The following LGR6 variants were observed in gnomAD, a reference collection of about 807,000 sequenced individuals.
LGR6 encodes leucine-rich repeat-containing G protein-coupled receptor 6.
Under a neutral mutation model 69.4 loss-of-function variants are expected in LGR6, and 45 were observed. That is an observed-to-expected ratio of 0.65 (90% CI 0.51 to 0.83). LGR6 has a LOEUF of 0.83. Among genes scored for constraint, LGR6 ranks in the 40% least tolerant of loss-of-function variants. LGR6 has a pLI of 0.00. For synonymous variants in LGR6, 538 were observed against 555.0 expected, an observed-to-expected ratio of 0.97 and a Z score of 0.43; for missense variants, 1,108 against 1,246.7, an observed-to-expected ratio of 0.89 and a Z score of 1.68.
intron 2 of LGR6, among the ~76,000 whole-genome samples, chr1:202,225,911 G>A (rs1660513338): frequency 6.6e-6 from 1 of 152,104 alleles, no homozygotes; most frequent in Non-Finnish European, 1.5e-5. Flanking sequence ...ACATCTAGGG[G>A]TTGAACCAGC....
chr1:202,226,836 C>T (rs527974509), intron 2 of LGR6, among the ~76,000 whole-genome samples: 58 of 152,260 alleles, frequency 3.8e-4, no homozygotes, highest in African/African-American at 1.4e-3. Flanking sequence ...GAAGATTAAA[C>T]CAGTTTTCAA....
intron 7 of LGR6, 39 bp from the exon 8 acceptor site, chr1:202,300,810 T>G: frequency 6.6e-7 from 1 of 1,507,876 alleles, no homozygotes. Context: ...CTCTATACCT[T>G]TCTCCAAATC....
intron 13 of LGR6, 81 bp downstream of exon 13, chr1:202,307,020 T>C: frequency 1.6e-6 from 2 of 1,265,554 alleles, no homozygotes; most frequent in South Asian, 1.2e-5. Context: ...ATAGCACATG[T>C]GTACAATTTA....
chr1:202,300,964 CAGGGAGGAGGACAGA>C, intron 8 of LGR6, 44 bp downstream of exon 8: 5 of 1,536,258 alleles, frequency 3.3e-6, no homozygotes, highest in Non-Finnish European at 4.5e-6. Flanking sequence ...AACAGTGTTT[CAGGGAGGAGGACAGA>C]GGATGGGAAG....
chr1:202,221,221 G>C (rs1660132668), intron 1 of LGR6, among the ~76,000 whole-genome samples: 1 of 152,014 alleles, frequency 6.6e-6, no homozygotes, highest in South Asian at 2.1e-4. Flanking sequence ...TCGGGCCCTG[G>C]GATATGAGCC....
chr1:202,206,889 T>TTTTATTTATTTATTTA (rs139647235), intron 1 of LGR6, among the ~76,000 whole-genome samples: 1 of 141,276 alleles, frequency 7.1e-6, no homozygotes, highest in African/African-American at 2.7e-5. Context: ...CTGCAAATTA[T>TTTTATTTATTTATTTA]TTTATTTATT....
Position 202,319,262 on chromosome 1 carries a change from G to T in LGR6, c.*55G>T. 6.8e-7 allele frequency: 1 copy of T among 1,478,772 alleles called. No individual in the cohort carries two copies. The allele number at this position is 1,478,772 out of a possible 1,614,324, so 91.6% of individuals were successfully genotyped here. A position where few individuals can be genotyped will look rare whatever the true frequency, so the allele number is the denominator to read the frequency against. On this transcript the variant is annotated 3_prime_UTR_variant, in exon 18 of 18. Coordinates refer to ENST00000367278, the MANE Select transcript of LGR6 (RefSeq NM_001017403.2). ...TCTTCCCTTTCCTCTCTCCCCCTCG[G>T]TGAATGATGGCTGCTTCTAAAACAA...
intron 1 of LGR6, among the ~76,000 whole-genome samples, chr1:202,204,430 AACACACACACACACCTCCACACAC>A (rs1420069467): frequency 3.3e-5 from 2 of 60,764 alleles, no homozygotes; most frequent in South Asian, 7.7e-4. Context: ...CACACCTCCA[AACACACACACACACCTCCACACAC>A]ACACACCTCC....
chr1:202,234,069 G>T (rs1405322184), intron 3 of LGR6, among the ~76,000 whole-genome samples: 1 of 152,236 alleles, frequency 6.6e-6, no homozygotes, highest in African/African-American at 2.4e-5. Context: ...GGCCCCTCTG[G>T]CATTGGGTGG....
At chr1:202,298,516 C>G (rs1044326223) in intron 7 of LGR6, 1 of 139,546 alleles carries the variant, frequency 7.2e-6, no homozygotes, top group Non-Finnish European at 1.5e-5. Context: ...TTTCAGGCAG[C>G]TTAGTATCTA....
intron 1 of LGR6, among the ~76,000 whole-genome samples, chr1:202,205,460 C>CCTT (rs1558005144): frequency 7.4e-5 from 2 of 27,194 alleles, no homozygotes; most frequent in Admixed American, 4.5e-4. Context: ...ACACACACCT[C>CCTT]CAAACACACA....
chr1:202,318,491 C>G lies in LGR6; in HGVS notation c.2188C>G (p.Leu730Val). The G allele has an allele frequency of 6.2e-7, 1 of 1,613,936 alleles. No homozygotes were observed. The highest frequency in any genetic ancestry group is 8.5e-7 in the Non-Finnish European group (1 of 1,179,988). ...GCCACCTGAGGGTCAGCCAGCAGCCCTGGGCTTCACCGTGGCCCTGGTGAT... is the reference window on the plus strand; with the variant it reads ...GCCACCTGAGGGTCAGCCAGCAGCCGTGGGCTTCACCGTGGCCCTGGTGAT... ...YAPPEGQPAA[L>V]GFTVALVMMN... Residue 730 changes from leucine (L) to valine (V), a missense_variant, in exon 18 of 18, where the codon CTG (leucine) becomes GTG (valine). By Grantham distance (32) the Leu-to-Val change is conservative. Transcript: ENST00000367278.
At chr1:202,305,645 A>G in intron 11 of LGR6, 39 bp from the exon 12 acceptor site, 1 of 1,587,244 alleles carries the variant, frequency 6.3e-7, no homozygotes, top group South Asian at 1.1e-5. Flanking sequence ...TCAGATAGCC[A>G]CCATTTCACC....
chr1:202,311,623 G>A (rs1044146920), intron 16 of LGR6, among the ~76,000 whole-genome samples: 4 of 152,210 alleles, frequency 2.6e-5, no homozygotes, highest in Non-Finnish European at 5.9e-5. Flanking sequence ...TCGCACCACT[G>A]CAAACTCCAG....
At chr1:202,308,064 G>C (rs1406616693) in intron 14 of LGR6, among the ~76,000 whole-genome samples, 1 of 152,162 alleles carries the variant, frequency 6.6e-6, no homozygotes, top group African/African-American at 2.4e-5. Context: ...CCCTTTTCTG[G>C]TTAACACAAA....
At position 202,220,177 on chromosome 1, in the gene LGR6, G is replaced by A. The variant is rs138257075; in HGVS notation, c.213-5246G>A. 5.8e-3 allele frequency among the ~76,000 whole-genome samples: 887 copies of A among 152,012 alleles called. 11 individuals carry two copies. Among genetic ancestry groups the A allele is most frequent in the African/African-American group, 0.02 (837 of 41,412 alleles). On this transcript the variant is annotated intron_variant, in intron 1 of 17. Coordinates refer to ENST00000367278, the MANE Select transcript of LGR6 (RefSeq NM_001017403.2). Reference sequence around the variant, plus strand: ...TTACAGGCATGAGCCACCGCGCCCGGCCAGCACTGTGTTTTATATTTATTT... The same window carrying A: ...TTACAGGCATGAGCCACCGCGCCCGACCAGCACTGTGTTTTATATTTATTT...
chr1:202,204,505 A>AC (rs1658988294), intron 1 of LGR6, among the ~76,000 whole-genome samples: 1 of 72,476 alleles, frequency 1.4e-5, no homozygotes, highest in Non-Finnish European at 2.7e-5. Flanking sequence ...ACACACCTCC[A>AC]AACACACACA....
Position 202,318,266 on chromosome 1 carries a change from G to A in LGR6, c.1963G>A (p.Ala655Thr). ...TGFLAVLGSE[A>T]SVLLLTLAAV... ...CTTCCTGGCAGTACTTGGGTCGGAGGCATCGGTGCTGCTGCTCACTCTGGC... is the reference window on the plus strand; with the variant it reads ...CTTCCTGGCAGTACTTGGGTCGGAGACATCGGTGCTGCTGCTCACTCTGGC... The change falls in exon 18 of 18, where the codon GCA (alanine) becomes ACA (threonine). Residue 655 changes from alanine (A) to threonine (T), a missense_variant. By Grantham distance (58) the Ala-to-Thr change is moderately conservative. Transcript: ENST00000367278. The A allele has an allele frequency of 6.2e-7, 1 of 1,608,368 alleles. No individual in the cohort carries two copies. The highest frequency in any genetic ancestry group is 1.1e-5 in the South Asian group (1 of 90,344).
At chr1:202,287,995 A>C (rs1294503742) in intron 6 of LGR6, among the ~76,000 whole-genome samples, 1 of 151,900 alleles carries the variant, frequency 6.6e-6, no homozygotes, top group East Asian at 1.9e-4. Context: ...ATTCCTCATC[A>C]TACTCCAGAA....
Sources: allele counts gnomAD v4.1 joint callset (sites outside exome capture counted in the v4.1 genomes callset), GRCh38; gene constraint gnomAD v4.1.1; transcripts MANE v1.5; gene names NCBI Gene and HGNC (gene_info 2026-07-23, HGNC 2026-07-21).